The following SLC9A9 variants were observed in gnomAD, a reference collection of about 807,000 sequenced individuals.
SLC9A9 encodes the protein solute carrier family 9 member A9, also known as sodium/hydrogen exchanger 9.
In SLC9A9, 62 loss-of-function variants were observed where a neutral mutation model predicts 77.8. The ratio of observed to expected loss-of-function variants is 0.80; its 90% CI spans 0.65 to 0.98. SLC9A9 has a LOEUF of 0.98. Ranked by LOEUF, SLC9A9 falls within the 50% of genes least tolerant of loss-of-function variation. SLC9A9 has a pLI of 0.00. For missense variants in SLC9A9, 775 were observed against 774.9 expected, an observed-to-expected ratio of 1.00 and a Z score of 0.00; for synonymous variants, 320 against 283.5, an observed-to-expected ratio of 1.13 and a Z score of -1.29.
intron 7 of SLC9A9, among the ~76,000 whole-genome samples, chr3:143,574,922 A>G (rs1162297034): frequency 1.3e-5 from 2 of 152,186 alleles, no homozygotes; most frequent in Admixed American, 1.3e-4. Flanking sequence ...TTAGGTTGCA[A>G]TTGTGTCAAT....
chr3:143,837,008 A>C (rs2009585048), intron 1 of SLC9A9, among the ~76,000 whole-genome samples: 1 of 152,184 alleles, frequency 6.6e-6, no homozygotes, highest in South Asian at 2.1e-4. Flanking sequence ...ACTGATGGTC[A>C]TTCCACATGA....
intron 14 of SLC9A9, among the ~76,000 whole-genome samples, chr3:143,301,654 C>T (rs916998385): frequency 6.6e-6 from 1 of 152,060 alleles, no homozygotes; most frequent in African/African-American, 2.4e-5. Context: ...CTAGTGGAGC[C>T]CACAGTGACT....
intron 14 of SLC9A9, among the ~76,000 whole-genome samples, chr3:143,285,137 G>A (rs1194872988): frequency 6.6e-6 from 1 of 152,084 alleles, no homozygotes; most frequent in African/African-American, 2.4e-5. Flanking sequence ...CAGAACGTCA[G>A]GTTTGTCACA....
At chr3:143,532,474 T>C (rs7623985) in intron 9 of SLC9A9, among the ~76,000 whole-genome samples, 1 of 152,218 alleles carries the variant, frequency 6.6e-6, no homozygotes. Context: ...AAAATATCAA[T>C]GGATATATAC....
intron 14 of SLC9A9, among the ~76,000 whole-genome samples, chr3:143,293,682 C>T (rs1042692474): frequency 2.0e-5 from 3 of 152,144 alleles, no homozygotes; most frequent in Non-Finnish European, 4.4e-5. Flanking sequence ...CTGTCAATCA[C>T]AGCTTATCTG....
chr3:143,585,813 C>T (rs2037531729), intron 6 of SLC9A9, among the ~76,000 whole-genome samples: 1 of 152,232 alleles, frequency 6.6e-6, no homozygotes, highest in South Asian at 2.1e-4. Flanking sequence ...TTTCAGAAAT[C>T]TTTAGGCCAG....
At chr3:143,676,899 G>A (rs1179138888) in intron 5 of SLC9A9, among the ~76,000 whole-genome samples, 3 of 152,198 alleles carry the variant, frequency 2.0e-5, no homozygotes, top group East Asian at 3.8e-4. Context: ...CTACTTGTGA[G>A]TTGTAAATCT....
intron 6 of SLC9A9, among the ~76,000 whole-genome samples, chr3:143,640,806 C>T (rs561824774): frequency 8.5e-5 from 13 of 152,162 alleles, no homozygotes; most frequent in East Asian, 7.7e-4. Flanking sequence ...GAGCCGAGAT[C>T]GTGCCACTGC....
At chr3:143,798,181 C>T (rs2008443386) in intron 2 of SLC9A9, among the ~76,000 whole-genome samples, 1 of 152,192 alleles carries the variant, frequency 6.6e-6, no homozygotes. Context: ...CAATCTCTCC[C>T]TTCTCTTAAT....
chr3:143,738,933 T>G (rs534579719), intron 4 of SLC9A9, among the ~76,000 whole-genome samples: 1 of 152,336 alleles, frequency 6.6e-6, no homozygotes, highest in South Asian at 2.1e-4. Flanking sequence ...TACACTGATG[T>G]GTCCTTCAGA....
intron 13 of SLC9A9, among the ~76,000 whole-genome samples, chr3:143,366,128 C>T (rs1427269342): frequency 4.6e-5 from 7 of 152,116 alleles, no homozygotes; most frequent in Non-Finnish European, 7.4e-5. Context: ...GCTATACTGG[C>T]AATCAGGGGC....
chr3:143,274,754 A>G (rs1937996740), intron 14 of SLC9A9, among the ~76,000 whole-genome samples: 1 of 152,210 alleles, frequency 6.6e-6, no homozygotes, highest in Non-Finnish European at 1.5e-5. Flanking sequence ...TTTCTCCTAG[A>G]TCACAGACAC....
chr3:143,372,125 A>G (rs999201231), intron 13 of SLC9A9: 1 of 232,198 alleles, frequency 4.3e-6, no homozygotes, highest in Admixed American at 5.1e-5. Flanking sequence ...CAGTATCACG[A>G]AAGTGATGAT....
chr3:143,373,595 A>G (rs2033106182), intron 13 of SLC9A9, among the ~76,000 whole-genome samples: 2 of 135,760 alleles, frequency 1.5e-5, no homozygotes, highest in Admixed American at 1.6e-4. Context: ...CCCCAAAGCC[A>G]CTGAAATAGT....
intron 7 of SLC9A9, 72 bp downstream of exon 7, chr3:143,578,513 A>G (rs1031784179): frequency 1.9e-6 from 3 of 1,609,018 alleles, no homozygotes; most frequent in Non-Finnish European, 2.6e-6. Context: ...GAGGTTGTCC[A>G]TCATCAGAAA....
intron 6 of SLC9A9, among the ~76,000 whole-genome samples, chr3:143,622,969 C>A (rs2038248599): frequency 6.6e-6 from 1 of 152,172 alleles, no homozygotes; most frequent in Admixed American, 6.5e-5. Context: ...AAATCCTAGT[C>A]TCTGATAAAA....
intron 14 of SLC9A9, among the ~76,000 whole-genome samples, chr3:143,340,102 G>A (rs1186328540): frequency 1.3e-5 from 2 of 152,164 alleles, no homozygotes; most frequent in Non-Finnish European, 2.9e-5. Flanking sequence ...GAAGCCCTCA[G>A]TACTATTATA....
At chr3:143,625,893 T>C (rs532674216) in intron 6 of SLC9A9, among the ~76,000 whole-genome samples, 1 of 152,276 alleles carries the variant, frequency 6.6e-6, no homozygotes, top group East Asian at 1.9e-4. Flanking sequence ...ATCCAGAATC[T>C]ACAATGAACT....
chr3:143,306,615 T>C (rs1231903391), intron 14 of SLC9A9, among the ~76,000 whole-genome samples: 1 of 152,146 alleles, frequency 6.6e-6, no homozygotes, highest in Non-Finnish European at 1.5e-5. Context: ...ACAAGCTCAA[T>C]AAATGCCTGT....
Sources: gnomAD v4.1 joint callset for allele counts (sites outside exome capture counted in the v4.1 genomes callset) on GRCh38, gnomAD v4.1.1 for gene constraint, MANE v1.5 for transcripts, NCBI Gene and HGNC (gene_info 2026-07-23, HGNC 2026-07-21) for gene names.